The following SCHIP1 variants were observed in gnomAD, a reference collection of about 807,000 sequenced individuals.
The protein encoded by SCHIP1 is schwannomin interacting protein 1, also known as schwannomin-interacting protein 1.
Under a neutral mutation model 29.7 loss-of-function variants are expected in SCHIP1, and 8 were observed. That is an observed-to-expected ratio of 0.27 (90% CI 0.16 to 0.49). SCHIP1 has a LOEUF of 0.49. Among genes scored for constraint, SCHIP1 ranks in the 20% least tolerant of loss-of-function variants. SCHIP1 has a pLI of 0.99. For missense variants in SCHIP1, 193 were observed against 294.6 expected (o/e 0.66, Z 2.52); for synonymous variants, 76 against 94.9 (o/e 0.80, Z 1.16).
At chr3:159,425,744 G>T in the SCHIP1 span, among the ~76,000 whole-genome samples, 22 of 152,052 alleles carry the variant, frequency 1.4e-4, no homozygotes, top group South Asian at 4.2e-4. Flanking sequence ...TATACATTTT[G>T]TTCAGCACCA....
the SCHIP1 span, among the ~76,000 whole-genome samples, chr3:159,532,078 A>G: frequency 6.6e-6 from 1 of 152,214 alleles, no homozygotes; most frequent in Non-Finnish European, 1.5e-5. Flanking sequence ...AATTGATAGC[A>G]AAGCTATAAA....
At chr3:159,685,753 C>T in the SCHIP1 span, among the ~76,000 whole-genome samples, 2 of 152,164 alleles carry the variant, frequency 1.3e-5, no homozygotes, top group Non-Finnish European at 2.9e-5. Context: ...ATTTTACCCA[C>T]ATATAACTCA....
At chr3:159,456,044 G>A in the SCHIP1 span, among the ~76,000 whole-genome samples, 1 of 152,176 alleles carries the variant, frequency 6.6e-6, no homozygotes, top group South Asian at 2.1e-4. Context: ...TGACCACTCA[G>A]ATATCGCCTC....
the SCHIP1 span, among the ~76,000 whole-genome samples, chr3:159,448,505 G>A: frequency 6.6e-6 from 1 of 152,034 alleles, no homozygotes; most frequent in Non-Finnish European, 1.5e-5. Context: ...TGTTGTAAGG[G>A]AATTGTGGGG....
At chr3:159,537,049 C>T in the SCHIP1 span, among the ~76,000 whole-genome samples, 1 of 152,036 alleles carries the variant, frequency 6.6e-6, no homozygotes, top group Admixed American at 6.6e-5. Flanking sequence ...TTGCTTTTAC[C>T]CAGACAGCCA....
chr3:159,646,838 G>A, the SCHIP1 span, among the ~76,000 whole-genome samples: 1 of 152,074 alleles, frequency 6.6e-6, no homozygotes, highest in Non-Finnish European at 1.5e-5. Context: ...CTGAAAAAGA[G>A]CTGAAAAGGC....
the SCHIP1 span, among the ~76,000 whole-genome samples, chr3:159,448,463 C>CT: frequency 1.3e-5 from 2 of 152,052 alleles, no homozygotes; most frequent in Middle Eastern, 3.2e-3. Flanking sequence ...GAGTGAGACT[C>CT]TGTCTCAAAG....
chr3:159,424,264 C>G, the SCHIP1 span, among the ~76,000 whole-genome samples: 1 of 151,880 alleles, frequency 6.6e-6, no homozygotes, highest in Non-Finnish European at 1.5e-5. Flanking sequence ...GAAATTCAAA[C>G]TAAAGGCAAA....
At chr3:159,326,665 G>C in the SCHIP1 span, among the ~76,000 whole-genome samples, 1 of 151,874 alleles carries the variant, frequency 6.6e-6, no homozygotes, top group Admixed American at 6.6e-5. Context: ...TATTCATTTG[G>C]TCTTCTTACA....
chr3:159,652,126 T>C, the SCHIP1 span, among the ~76,000 whole-genome samples: 1 of 151,998 alleles, frequency 6.6e-6, no homozygotes, highest in Non-Finnish European at 1.5e-5. Context: ...ATTGCTACCA[T>C]GTGCTTTTGC....
At chr3:159,542,859 A>G in the SCHIP1 span, among the ~76,000 whole-genome samples, 1 of 152,102 alleles carries the variant, frequency 6.6e-6, no homozygotes, top group Non-Finnish European at 1.5e-5. Context: ...AAAGAAATTA[A>G]CATAAATAGT....
the SCHIP1 span, among the ~76,000 whole-genome samples, chr3:159,812,073 C>T: frequency 2.0e-5 from 3 of 150,520 alleles, no homozygotes; most frequent in Non-Finnish European, 4.4e-5. Flanking sequence ...TAGGCTCAAG[C>T]GATTCTCGTG....
At chr3:159,300,113 C>CTTTTTTTTTTTTTTTTTTTTTTT in the SCHIP1 span, among the ~76,000 whole-genome samples, 3 of 45,378 alleles carry the variant, frequency 6.6e-5, no homozygotes, top group African/African-American at 9.1e-5. Context: ...GGGAAAGCTG[C>CTTTTTTTTTTTTTTTTTTTTTTT]TTTTTTTTTT....
chr3:159,425,512 C>T, the SCHIP1 span, among the ~76,000 whole-genome samples: 1 of 152,040 alleles, frequency 6.6e-6, no homozygotes, highest in South Asian at 2.1e-4. Context: ...TATATATGCG[C>T]CCAACACAGG....
At chr3:159,643,625 G>T in the SCHIP1 span, among the ~76,000 whole-genome samples, 1 of 152,102 alleles carries the variant, frequency 6.6e-6, no homozygotes, top group Non-Finnish European at 1.5e-5. Flanking sequence ...ACAGAAGGTT[G>T]TATTCATTAA....
chr3:159,892,226 C>G (rs1267016050), intron 6 of SCHIP1, 36 bp downstream of exon 7: 1 of 1,611,962 alleles, frequency 6.2e-7, no homozygotes, highest in Admixed American at 1.7e-5. Context: ...AGAAGAAAAG[C>G]CCAGGGTGGT....
chr3:159,493,081 T>C, the SCHIP1 span, among the ~76,000 whole-genome samples: 1 of 152,264 alleles, frequency 6.6e-6, no homozygotes, highest in South Asian at 2.1e-4. Context: ...AGGCCTGCCC[T>C]AAAAGAGCTC....
At chr3:159,677,287 GCACA>G in the SCHIP1 span, among the ~76,000 whole-genome samples, 2 of 152,212 alleles carry the variant, frequency 1.3e-5, no homozygotes, top group African/African-American at 4.8e-5. Flanking sequence ...CCACTAGTAT[GCACA>G]CTCAGAGGCC....
the SCHIP1 span, among the ~76,000 whole-genome samples, chr3:159,564,434 T>C: frequency 1.3e-5 from 2 of 152,038 alleles, no homozygotes; most frequent in Non-Finnish European, 2.9e-5. Flanking sequence ...TGGAGTGCAA[T>C]GGCACAATCT....
Sources: gnomAD v4.1 joint callset for allele counts (sites outside exome capture counted in the v4.1 genomes callset) on GRCh38, gnomAD v4.1.1 for gene constraint, MANE v1.5 for transcripts, NCBI Gene and HGNC (gene_info 2026-07-23, HGNC 2026-07-21) for gene names.